The following SEZ6L variants were observed in gnomAD, a reference collection of about 807,000 sequenced individuals.
The protein encoded by SEZ6L is seizure 6-like protein.
SEZ6L carries 37 observed loss-of-function variants against 106.2 expected under a neutral mutation model. The observed-to-expected ratio is 0.35, with a 90% CI of 0.27 to 0.46. The LOEUF (loss-of-function observed/expected upper bound fraction) is 0.46, where lower values mean the gene tolerates loss of function less well. Among genes scored for constraint, SEZ6L ranks in the 20% least tolerant of loss-of-function variants. The pLI is 1.00. For missense variants in SEZ6L, 1,172 were observed against 1,332.8 expected (o/e 0.88, Z 1.88); for synonymous variants, 541 against 570.4 (o/e 0.95, Z 0.73).
At chr22:26,372,077 C>T (rs530034288) in intron 13 of SEZ6L, among the ~76,000 whole-genome samples, 2 of 152,326 alleles carry the variant, frequency 1.3e-5, no homozygotes, top group South Asian at 4.1e-4. Flanking sequence ...CCCCCTCCCT[C>T]TCTGACCTTG....
rs772497974 is a variant in SEZ6L, at chr22:26,351,110, T to C, written c.2466T>C (p.Pro822=). The change falls in exon 12 of 17, where the codon CCT becomes CCC. Residue 822 remains proline, a synonymous_variant. Transcript: ENST00000248933. The part of the protein sequence containing the change: ...VDHSTRLISD[P]VLLVGTTIQY... ...ACTCGACCCGCTTAATTTCGGATCC[T>C]GTGCTGCTGGTGGGGACCACCATCC... 5 of 1,614,114 alleles carry C rather than the reference T, an allele frequency of 3.1e-6. No homozygotes were observed. In the African/African-American group the frequency reaches 5.3e-5, roughly 17 times the overall value.
chr22:26,352,207 T>C (rs1197317131), intron 12 of SEZ6L, among the ~76,000 whole-genome samples: 1 of 151,096 alleles, frequency 6.6e-6, no homozygotes, highest in African/African-American at 2.4e-5. Flanking sequence ...CTAGGGATTC[T>C]GATATACAAA....
At chr22:26,316,242 T>G in intron 9 of SEZ6L, among the ~76,000 whole-genome samples, 1 of 152,288 alleles carries the variant, frequency 6.6e-6, no homozygotes, top group South Asian at 2.1e-4. Flanking sequence ...CCTTCAGTGG[T>G]AAAATTCATA....
At chr22:26,200,345 T>A (rs1038276738) in intron 1 of SEZ6L, among the ~76,000 whole-genome samples, 2 of 152,302 alleles carry the variant, frequency 1.3e-5, no homozygotes, top group African/African-American at 4.8e-5. Context: ...TCAGTAATTT[T>A]TTTTGAGCAC....
chr22:26,379,336 T>C (rs1170904342), intron 16 of SEZ6L, among the ~76,000 whole-genome samples: 1 of 152,228 alleles, frequency 6.6e-6, no homozygotes, highest in Admixed American at 6.5e-5. Flanking sequence ...CACCTGTGTA[T>C]TCTCCTAGTT....
chr22:26,294,566 CG>C, intron 3 of SEZ6L, 141 bp downstream of exon 3: 1 of 737,418 alleles, frequency 1.4e-6, no homozygotes. Flanking sequence ...TGGGTTTTGG[CG>C]AATGAGTAGG....
intron 1 of SEZ6L, among the ~76,000 whole-genome samples, chr22:26,282,267 T>G (rs2080796171): frequency 6.6e-6 from 1 of 152,236 alleles, no homozygotes; most frequent in South Asian, 2.1e-4. Context: ...TAGTCCCCTA[T>G]GGATGGGTAT....
chr22:26,239,796 A>C (rs2079057867), intron 1 of SEZ6L, among the ~76,000 whole-genome samples: 4 of 152,064 alleles, frequency 2.6e-5, no homozygotes. Context: ...GGCCAAATGC[A>C]TCCTGAACCT....
intron 1 of SEZ6L, among the ~76,000 whole-genome samples, chr22:26,289,157 G>A (rs1478362796): frequency 6.6e-6 from 1 of 152,120 alleles, no homozygotes; most frequent in African/African-American, 2.4e-5. Flanking sequence ...TGGCCAAGAT[G>A]GGACACCACC....
At position 26,347,744 on chromosome 22, in the gene SEZ6L, G is replaced by A. The variant is rs772320070; in HGVS notation, c.2238G>A (p.Ser746=). ...AGGTATCAAGGAATGACTCCTGCTC[G>A]GATTTACCCGAGATCCAGAATGGCT... is the stretch of plus-strand genomic sequence containing the variant. The part of the protein sequence containing the change: ...YIEVSRNDSC[S]DLPEIQNGWK... Residue 746 remains serine, a synonymous_variant, in exon 11 of 17, where the codon TCG becomes TCA. Coordinates refer to ENST00000248933, the MANE Select transcript of SEZ6L (RefSeq NM_021115.5). 48 of 1,608,784 alleles carry A rather than the reference G, an allele frequency of 3.0e-5. No individual in the cohort carries two copies. The highest frequency in any genetic ancestry group is 1.9e-4 in the South Asian group (17 of 90,130).
Position 26,305,958 on chromosome 22 carries a change from ACCCACCCC to A in SEZ6L, c.1349-20_1349-13del. On this transcript the variant is annotated splice_polypyrimidine_tract_variant and intron_variant, in intron 5 of 16. Coordinates refer to ENST00000248933, the MANE Select transcript of SEZ6L (RefSeq NM_021115.5). ...CCCTCTCTGCTCTCTCCCATTGCCC[ACCCACCCC>A]TTTCTGGATCAGCTCCTTGTGGAGG... is the stretch of plus-strand genomic sequence containing the variant. 6.6e-7 allele frequency: 1 copy of A among 1,511,854 alleles called. No homozygotes were observed. Among genetic ancestry groups the A allele is most frequent in the Non-Finnish European group, 9.1e-7 (1 of 1,101,664 alleles). 93.7% of individuals were successfully genotyped at this position (1,511,854 alleles called of 1,614,324 possible). A position where few individuals can be genotyped will look rare whatever the true frequency, so the allele number is the denominator to read the frequency against.
At chr22:26,270,596 G>A (rs934558706) in intron 1 of SEZ6L, among the ~76,000 whole-genome samples, 13 of 152,128 alleles carry the variant, frequency 8.5e-5, no homozygotes, top group African/African-American at 3.1e-4. Flanking sequence ...GACACCTTCA[G>A]TGCTCTGCAG....
At chr22:26,310,109 T>C (rs1174076869) in intron 6 of SEZ6L, among the ~76,000 whole-genome samples, 1 of 152,216 alleles carries the variant, frequency 6.6e-6, no homozygotes, top group Non-Finnish European at 1.5e-5. Flanking sequence ...CGTCGTTTGG[T>C]TTATTACATC....
chr22:26,285,529 C>T (rs1370203581), intron 1 of SEZ6L, among the ~76,000 whole-genome samples: 1 of 152,166 alleles, frequency 6.6e-6, no homozygotes, highest in Non-Finnish European at 1.5e-5. Flanking sequence ...AATCTTGCCA[C>T]CCAGGAAACA....
chr22:26,346,273 C>T (rs1427725273), intron 10 of SEZ6L, among the ~76,000 whole-genome samples: 3 of 152,168 alleles, frequency 2.0e-5, no homozygotes, highest in Non-Finnish European at 2.9e-5. Context: ...AACTCCTGGG[C>T]TCAAGCAATC....
intron 10 of SEZ6L, among the ~76,000 whole-genome samples, chr22:26,347,229 A>ATGATG (rs2083038318): frequency 8.1e-6 from 1 of 123,000 alleles, no homozygotes; most frequent in Non-Finnish European, 1.7e-5. Flanking sequence ...TGATGATGAT[A>ATGATG]AGAATAATAA....
At position 26,383,069 on chromosome 22, in the gene SEZ6L, C is replaced by CTTTTTT. The variant is rs35749592; in HGVS notation, c.*2787_*2792dup. ...CTTTAGCTTGGAGCTCAGCTTTTTG[C>CTTTTTT]TTTTTTTTTTTTTTTTTTGTAGAAT... On this transcript the variant is annotated 3_prime_UTR_variant, in exon 17 of 17. Coordinates refer to ENST00000248933, the MANE Select transcript of SEZ6L (RefSeq NM_021115.5). 1 of 119,662 alleles carries CTTTTTT rather than the reference C, an allele frequency of 8.4e-6. No homozygotes were observed. The highest frequency in any genetic ancestry group is 1.7e-5 in the Non-Finnish European group (1 of 58,782). The allele number at this position is 119,662 out of a possible 1,614,324, so 7.4% of individuals were successfully genotyped here. A position where few individuals can be genotyped will look rare whatever the true frequency, so the allele number is the denominator to read the frequency against.
At chr22:26,261,209 T>C (rs979798110) in intron 1 of SEZ6L, among the ~76,000 whole-genome samples, 5 of 152,246 alleles carry the variant, frequency 3.3e-5, no homozygotes, top group African/African-American at 1.2e-4. Flanking sequence ...TGACTGTTAC[T>C]TTTACTGAGC....
chr22:26,324,618 CA>C lies in SEZ6L; in HGVS notation c.2015+10717del, dbSNP rs573350692. On this transcript the variant is annotated intron_variant, in intron 9 of 16. Transcript: ENST00000248933. ...CCTGGGAGAATAGATTTCCAGATAT[CA>C]GCAAAAATCACAGGAGAAATGGCCA... 1.8e-3 allele frequency among the ~76,000 whole-genome samples: 273 copies of C among 152,264 alleles called. 3 individuals are homozygous for C. Among genetic ancestry groups the C allele is most frequent in the African/African-American group, 6.4e-3 (264 of 41,550 alleles).
Sources: gnomAD v4.1 joint callset for allele counts (sites outside exome capture counted in the v4.1 genomes callset) on GRCh38, gnomAD v4.1.1 for gene constraint, MANE v1.5 for transcripts, NCBI Gene and HGNC (gene_info 2026-07-23, HGNC 2026-07-21) for gene names.